PLCB1: variants seen among roughly 807,000 people sequenced by gnomAD.
The protein encoded by PLCB1 is 1-phosphatidylinositol 4,5-bisphosphate phosphodiesterase beta-1.
In PLCB1, 46 loss-of-function variants were observed where a neutral mutation model predicts 161.8. The observed-to-expected ratio is 0.28, with a 90% confidence interval of 0.22 to 0.36. The LOEUF is 0.36. Ranked by LOEUF, PLCB1 falls within the 10% of genes least tolerant of loss-of-function variation. The pLI, the probability that PLCB1 is intolerant of heterozygous loss-of-function variation, is 1.00. For synonymous variants in PLCB1, 517 were observed against 503.7 expected (o/e 1.03, Z -0.35); for missense variants, 1,016 against 1,472.5 (o/e 0.69, Z 5.07).
intron 31 of PLCB1, among the ~76,000 whole-genome samples, chr20:8,810,629 G>T (rs1984769960): frequency 6.6e-6 from 1 of 152,054 alleles, no homozygotes; most frequent in Non-Finnish European, 1.5e-5. Flanking sequence ...GAATGGAAAA[G>T]GGATCCCAGG....
At chr20:8,822,732 C>A (rs540700429) in intron 31 of PLCB1, among the ~76,000 whole-genome samples, 1 of 152,280 alleles carries the variant, frequency 6.6e-6, no homozygotes, top group South Asian at 2.1e-4. Context: ...TCATTGAAAA[C>A]CCCAGCTGGG....
intron 3 of PLCB1, among the ~76,000 whole-genome samples, chr20:8,581,221 C>T (rs570110196): frequency 3.9e-5 from 6 of 152,278 alleles, no homozygotes; most frequent in African/African-American, 1.4e-4. Context: ...GCACCTAGGG[C>T]CTGGCACCTA....
intron 2 of PLCB1, among the ~76,000 whole-genome samples, chr20:8,351,491 T>C (rs985444757): frequency 6.6e-5 from 10 of 152,052 alleles, no homozygotes; most frequent in African/African-American, 2.4e-4. Flanking sequence ...TGATAAACTA[T>C]AATTTGCTTA....
intron 1 of PLCB1, among the ~76,000 whole-genome samples, 182 bp from the exon 2 acceptor site, chr20:8,150,112 C>T (rs1043246319): frequency 6.6e-6 from 1 of 151,998 alleles, no homozygotes; most frequent in Non-Finnish European, 1.5e-5. Flanking sequence ...TAGGAAAGAA[C>T]CTCAGTTACA....
chr20:8,762,788 TA>T (rs1203920066), intron 25 of PLCB1, among the ~76,000 whole-genome samples: 2 of 152,250 alleles, frequency 1.3e-5, no homozygotes, highest in East Asian at 3.8e-4. Flanking sequence ...TTCTATTGCT[TA>T]AAGACCTTAA....
chr20:8,445,722 T>C (rs1980793023), intron 3 of PLCB1, among the ~76,000 whole-genome samples: 1 of 152,024 alleles, frequency 6.6e-6, no homozygotes, highest in Non-Finnish European at 1.5e-5. Flanking sequence ...TTTTATTTCG[T>C]TGAGCAGTGG....
chr20:8,288,827 T>TTA (rs1328975738), intron 2 of PLCB1, among the ~76,000 whole-genome samples: 1 of 152,194 alleles, frequency 6.6e-6, no homozygotes, highest in Non-Finnish European at 1.5e-5. Context: ...TATTACTCTG[T>TTA]TATGTATAGT....
intron 12 of PLCB1, among the ~76,000 whole-genome samples, chr20:8,714,858 A>G (rs930820136): frequency 5.9e-5 from 9 of 152,176 alleles, no homozygotes; most frequent in African/African-American, 2.2e-4. Flanking sequence ...TTTTTTAAAA[A>G]GAAAAAAATG....
chr20:8,278,981 A>T (rs1490113919), intron 2 of PLCB1, among the ~76,000 whole-genome samples: 1 of 151,980 alleles, frequency 6.6e-6, no homozygotes, highest in Non-Finnish European at 1.5e-5. Context: ...TGTTTTTTAA[A>T]AAAAAAAACA....
chr20:8,621,646 A>G (rs16994986), intron 3 of PLCB1, among the ~76,000 whole-genome samples: 10,936 of 152,268 alleles, frequency 0.072, 477 homozygotes, highest in South Asian at 0.13. Flanking sequence ...TAAACAAGGT[A>G]ACTTGAATGA....
At chr20:8,443,482 AG>A (rs1383806935) in intron 3 of PLCB1, among the ~76,000 whole-genome samples, 1 of 152,216 alleles carries the variant, frequency 6.6e-6, no homozygotes, top group African/African-American at 2.4e-5. Context: ...AGAAATGAGC[AG>A]GGAAACCTAT....
chr20:8,717,026 C>G (rs1443564249), intron 13 of PLCB1, among the ~76,000 whole-genome samples: 1 of 152,180 alleles, frequency 6.6e-6, no homozygotes, highest in Admixed American at 6.5e-5. Flanking sequence ...CTCTCTGATA[C>G]AATATCTAAT....
At chr20:8,372,320 A>T (rs1304176912) in intron 3 of PLCB1, among the ~76,000 whole-genome samples, 2 of 152,182 alleles carry the variant, frequency 1.3e-5, no homozygotes, top group East Asian at 3.8e-4. Context: ...TTTCTCTGAC[A>T]TTAAAATGAT....
chr20:8,786,358 A>G (rs1983481254), intron 27 of PLCB1, among the ~76,000 whole-genome samples: 1 of 152,226 alleles, frequency 6.6e-6, no homozygotes. Context: ...TGTGATAATC[A>G]TGATTAGGCA....
At chr20:8,171,499 G>A (rs114472324) in intron 2 of PLCB1, among the ~76,000 whole-genome samples, 1,576 of 152,164 alleles carry the variant, frequency 0.01, 37 homozygotes, top group African/African-American at 0.035. Flanking sequence ...AACCCCATCT[G>A]CCTGGGTTTG....
chr20:8,755,618 G>A (rs1017414890), intron 23 of PLCB1, among the ~76,000 whole-genome samples: 4 of 152,186 alleles, frequency 2.6e-5, no homozygotes, highest in Admixed American at 1.3e-4. Context: ...AGCTGCTGGA[G>A]GGTGTCGAAT....
chr20:8,727,013 A>T (rs550108083), intron 16 of PLCB1, among the ~76,000 whole-genome samples: 1 of 152,114 alleles, frequency 6.6e-6, no homozygotes, highest in Non-Finnish European at 1.5e-5. Flanking sequence ...TCTTTTGACA[A>T]ATTTTTTTAT....
chr20:8,243,753 T>C (rs1183114524), intron 2 of PLCB1, among the ~76,000 whole-genome samples: 4 of 151,990 alleles, frequency 2.6e-5, no homozygotes, highest in African/African-American at 9.7e-5. Flanking sequence ...CCAAAACTTG[T>C]GATAAGGTCA....
At chr20:8,428,214 C>G (rs1354649544) in intron 3 of PLCB1, among the ~76,000 whole-genome samples, 1 of 128,482 alleles carries the variant, frequency 7.8e-6, no homozygotes, top group Non-Finnish European at 1.7e-5. Flanking sequence ...TAAGGGTAGT[C>G]AGGGTTTTCA....
Sources: gnomAD v4.1 joint callset for allele counts (sites outside exome capture counted in the v4.1 genomes callset) on GRCh38, gnomAD v4.1.1 for gene constraint, MANE v1.5 for transcripts, NCBI Gene and HGNC (gene_info 2026-07-23, HGNC 2026-07-21) for gene names.